MTMR9: variants seen among roughly 807,000 people sequenced by gnomAD.
The protein encoded by MTMR9 is myotubularin-related protein 9.
Under a neutral mutation model 69.5 loss-of-function variants are expected in MTMR9, and 39 were observed. The observed-to-expected ratio is 0.56, with a 90% CI of 0.43 to 0.73. The LOEUF (loss-of-function observed/expected upper bound fraction) is 0.73, where lower values mean the gene tolerates loss of function less well. MTMR9 is among the 30% of genes least tolerant of loss of function. The pLI, the probability that MTMR9 is intolerant of heterozygous loss-of-function variation, is 0.00. For missense variants in MTMR9, 900 were observed against 671.2 expected (o/e 1.34, Z -3.77); for synonymous variants, 354 against 240.8 (o/e 1.47, Z -4.35).
chr8:11,328,164 AT>A (rs33915676), downstream of MTMR9: 85,707 of 151,560 alleles, frequency 0.57, 24,833 homozygotes, highest in East Asian at 0.87. Context: ...GCTTATTTGA[AT>A]TTTTTTTTCA....
chr8:11,327,767 C>T lies in MTMR9; in HGVS notation c.*4979C>T, dbSNP rs1034247971. 1 of 152,504 alleles carries T rather than the reference C, an allele frequency of 6.6e-6. No individual in the cohort carries two copies. Among genetic ancestry groups the T allele is most frequent in the African/African-American group, 2.4e-5 (1 of 41,394 alleles). The allele number at this position is 152,504 out of a possible 1,614,324, so 9.4% of individuals were successfully genotyped here. A position where few individuals can be genotyped will look rare whatever the true frequency, so the allele number is the denominator to read the frequency against. On this transcript the variant is annotated 3_prime_UTR_variant, in exon 10 of 10. Transcript: ENST00000221086. Reference sequence around the variant, plus strand: ...GTCTATAATGTATGCTTTGCTGAAACCTCAAGAGTGCTGTAAGGTACAGGT... The same window carrying T: ...GTCTATAATGTATGCTTTGCTGAAATCTCAAGAGTGCTGTAAGGTACAGGT...
intron 2 of MTMR9, among the ~76,000 whole-genome samples, chr8:11,296,260 A>G (rs938272219): frequency 1.1e-4 from 17 of 152,150 alleles, no homozygotes; most frequent in African/African-American, 4.1e-4. Flanking sequence ...AATAGTACCT[A>G]TCTTTTAGGG....
At chr8:11,307,388 G>A (rs1339580728) in intron 5 of MTMR9, among the ~76,000 whole-genome samples, 8 of 152,024 alleles carry the variant, frequency 5.3e-5, no homozygotes, top group Non-Finnish European at 1.2e-4. Context: ...CTTTTTTAAG[G>A]CTGAATAGTA....
chr8:11,290,373 T>C (rs1000106219), intron 1 of MTMR9, among the ~76,000 whole-genome samples: 1 of 152,174 alleles, frequency 6.6e-6, no homozygotes, highest in East Asian at 1.9e-4. Flanking sequence ...TCATTCTCCA[T>C]TTAGGCATTA....
the MTMR9 span, among the ~76,000 whole-genome samples, chr8:11,338,434 G>A: frequency 6.6e-6 from 1 of 152,216 alleles, no homozygotes; most frequent in Admixed American, 6.5e-5. Flanking sequence ...TGGCTCTATT[G>A]AACCGGGCTC....
intron 6 of MTMR9, among the ~76,000 whole-genome samples, chr8:11,312,852 A>C (rs1021880620): frequency 6.6e-6 from 1 of 152,216 alleles, no homozygotes; most frequent in East Asian, 1.9e-4. Context: ...TAGCAGGCAG[A>C]AAAACAACAT....
intron 6 of MTMR9, among the ~76,000 whole-genome samples, chr8:11,311,190 A>G (rs937904794): frequency 1.3e-5 from 2 of 152,230 alleles, no homozygotes; most frequent in African/African-American, 4.8e-5. Flanking sequence ...ATTAGGTTTT[A>G]TCCTGAGAAT....
intron 4 of MTMR9, 58 bp downstream of exon 4, chr8:11,305,072 G>C (rs1282288654): frequency 6.6e-7 from 1 of 1,517,044 alleles, no homozygotes; most frequent in Non-Finnish European, 9.0e-7. Context: ...GGATCTTTTC[G>C]TAGAAATGTT....
chr8:11,331,642 C>T, downstream of MTMR9: 2 of 1,612,154 alleles, frequency 1.2e-6, no homozygotes, highest in South Asian at 1.1e-5. Flanking sequence ...GGACTCTGGA[C>T]ACTACAGGAG....
intron 1 of MTMR9, among the ~76,000 whole-genome samples, chr8:11,288,229 A>C (rs1029656267): frequency 7.5e-6 from 1 of 134,108 alleles, no homozygotes; most frequent in African/African-American, 2.9e-5. Context: ...AATAATTATA[A>C]TATATAATAA....
intron 3 of MTMR9, among the ~76,000 whole-genome samples, chr8:11,303,342 T>C (rs975853268): frequency 1.3e-5 from 2 of 151,512 alleles, no homozygotes; most frequent in African/African-American, 4.9e-5. Flanking sequence ...AATAATAATA[T>C]ATCATAGTGA....
chr8:11,287,802 T>TTA (rs1554499061), intron 1 of MTMR9, among the ~76,000 whole-genome samples: 1 of 24,738 alleles, frequency 4.0e-5, no homozygotes, highest in Non-Finnish European at 7.1e-5. Flanking sequence ...ATAATACATA[T>TTA]TATATAATAC....
At chr8:11,319,311 AAGGTT>A (rs1800562853) in intron 8 of MTMR9, 1 of 159,156 alleles carries the variant, frequency 6.3e-6, no homozygotes, top group Non-Finnish European at 1.4e-5. Context: ...CAGAAACAAA[AAGGTT>A]AGAAAGTTTT....
At chr8:11,336,246 T>A in the MTMR9 span, among the ~76,000 whole-genome samples, 1 of 152,238 alleles carries the variant, frequency 6.6e-6, no homozygotes, top group Non-Finnish European at 1.5e-5. Context: ...CCAGAGGAAG[T>A]CCATGTTGCT....
chr8:11,316,634 C>T, intron 7 of MTMR9, 39 bp from the exon 8 acceptor site: 1 of 1,414,070 alleles, frequency 7.1e-7, no homozygotes, highest in South Asian at 1.4e-5. Context: ...CATGTGATCT[C>T]ACCAGGATAT....
In MTMR9 at chr8:11,306,298, A is replaced by G. The variant is rs1799939364; in HGVS notation, c.700A>G (p.Ile234Val). The G allele has an allele frequency of 6.2e-7, 1 of 1,613,942 alleles. No individual in the cohort carries two copies. The highest frequency in any genetic ancestry group is 1.1e-5 in the South Asian group (1 of 91,094). Residue 234 changes from isoleucine to valine, a missense_variant, in exon 5 of 10, where the codon ATT (isoleucine) becomes GTT (valine). By Grantham distance (29) the Ile-to-Val change is conservative (BLOSUM62 3). Transcript: ENST00000221086. ...TLRAGKRGYIIDTRSLNVAQQ... is the reference protein window; with the variant it reads ...TLRAGKRGYIVDTRSLNVAQQ... ...CAGGGCTGGAAAGCGTGGCTACATC[A>G]TTGACACCCGATCCCTGAACGTGGC...
At chr8:11,303,080 G>A (rs1396200119) in intron 3 of MTMR9, among the ~76,000 whole-genome samples, 1 of 151,096 alleles carries the variant, frequency 6.6e-6, no homozygotes, top group African/African-American at 2.4e-5. Flanking sequence ...AAAAACCCCA[G>A]TTGGTTTTTA....
intron 1 of MTMR9, among the ~76,000 whole-genome samples, chr8:11,292,396 T>C (rs971632041): frequency 1.3e-5 from 2 of 152,210 alleles, no homozygotes; most frequent in African/African-American, 4.8e-5. Context: ...TGTTTTACTT[T>C]TTAAGAAGCT....
intron 3 of MTMR9, among the ~76,000 whole-genome samples, chr8:11,302,951 G>A (rs1799801487): frequency 6.6e-6 from 1 of 151,690 alleles, no homozygotes; most frequent in Non-Finnish European, 1.5e-5. Flanking sequence ...AAAAATTTAT[G>A]GAAAAAATTT....
Sources: gnomAD v4.1 joint callset for allele counts (sites outside exome capture counted in the v4.1 genomes callset) on GRCh38, gnomAD v4.1.1 for gene constraint, MANE v1.5 for transcripts, NCBI Gene and HGNC (gene_info 2026-07-23, HGNC 2026-07-21) for gene names.